LYST: variants seen among roughly 807,000 people sequenced by gnomAD.
LYST encodes lysosomal trafficking regulator, also known as lysosomal-trafficking regulator.
Under a neutral mutation model 413.6 loss-of-function variants are expected in LYST, and 192 were observed. The observed-to-expected ratio is 0.46, with a 90% confidence interval of 0.41 to 0.52. LYST has a LOEUF of 0.52. LYST is among the 20% of genes least tolerant of loss of function. The pLI is 0.00. For missense variants in LYST, 3,815 were observed against 4,499.9 expected, an observed-to-expected ratio of 0.85 and a Z score of 4.35; for synonymous variants, 1,525 against 1,567.3, an observed-to-expected ratio of 0.97 and a Z score of 0.64.
At chr1:235,803,703 TA>T (rs1672499330) in intron 7 of LYST, among the ~76,000 whole-genome samples, 1 of 152,114 alleles carries the variant, frequency 6.6e-6, no homozygotes, top group Non-Finnish European at 1.5e-5. Flanking sequence ...GTAACAACAA[TA>T]AAAGGTAGAA....
intron 3 of LYST, among the ~76,000 whole-genome samples, chr1:235,818,942 T>A (rs1301475837): frequency 6.6e-6 from 1 of 152,150 alleles, no homozygotes; most frequent in African/African-American, 2.4e-5. Flanking sequence ...CAGCAACACC[T>A]CTTCTGTGGA....
intron 16 of LYST, among the ~76,000 whole-genome samples, chr1:235,779,666 T>C (rs1417899382): frequency 6.6e-6 from 1 of 152,202 alleles, no homozygotes; most frequent in Non-Finnish European, 1.5e-5. Flanking sequence ...TGGTGGGACA[T>C]TTAGGATAGG....
intron 29 of LYST, among the ~76,000 whole-genome samples, chr1:235,745,119 A>G (rs1333186076): frequency 6.6e-6 from 1 of 152,112 alleles, no homozygotes; most frequent in African/African-American, 2.4e-5. Context: ...ACAAATAGAA[A>G]TTGTATATAA....
intron 10 of LYST, among the ~76,000 whole-genome samples, chr1:235,794,783 A>G (rs1226256135): frequency 6.6e-6 from 1 of 152,196 alleles, no homozygotes; most frequent in East Asian, 1.9e-4. Context: ...CCTGTACATA[A>G]CATGAATCCA....
chr1:235,769,339 G>A (rs988755799), intron 20 of LYST, among the ~76,000 whole-genome samples: 7 of 152,028 alleles, frequency 4.6e-5, no homozygotes, highest in Non-Finnish European at 1.0e-4. Flanking sequence ...AGTACCATAA[G>A]ATGAAGCTAG....
chr1:235,680,864 G>A (rs1004318025), intron 48 of LYST, among the ~76,000 whole-genome samples: 1 of 152,202 alleles, frequency 6.6e-6, no homozygotes, highest in Non-Finnish European at 1.5e-5. Flanking sequence ...CTCCCAAAGT[G>A]TTGGGATTAC....
intron 48 of LYST, among the ~76,000 whole-genome samples, chr1:235,679,869 C>A (rs1159735829): frequency 6.6e-6 from 1 of 152,124 alleles, no homozygotes; most frequent in Non-Finnish European, 1.5e-5. Flanking sequence ...TGTCCAAGGA[C>A]AGTGTCAGTG....
chr1:235,668,211 T>C (rs1658657296), intron 50 of LYST, among the ~76,000 whole-genome samples: 1 of 151,980 alleles, frequency 6.6e-6, no homozygotes, highest in African/African-American at 2.4e-5. Context: ...GACATATATA[T>C]ATATATTTTA....
chr1:235,716,646 A>AC, intron 41 of LYST, 66 bp downstream of exon 41: 1 of 1,013,308 alleles, frequency 9.9e-7, no homozygotes, highest in Non-Finnish European at 1.5e-6. Flanking sequence ...AATTAGGTAA[A>AC]ACACAAGTCT....
At chr1:235,802,193 C>CAAAAA (rs35511208) in intron 8 of LYST, among the ~76,000 whole-genome samples, 2 of 45,074 alleles carry the variant, frequency 4.4e-5, no homozygotes, top group African/African-American at 8.0e-5. Context: ...GACTCCATTT[C>CAAAAA]AAAAAAAAAA....
chr1:235,744,247 T>C, intron 29 of LYST, 90 bp from the exon 30 acceptor site: 1 of 720,772 alleles, frequency 1.4e-6, no homozygotes, highest in Admixed American at 2.2e-5. Flanking sequence ...AAATATTGTA[T>C]TTAATTACTA....
chr1:235,766,917 C>T (rs1381742881), intron 20 of LYST, among the ~76,000 whole-genome samples: 1 of 151,950 alleles, frequency 6.6e-6, no homozygotes, highest in African/African-American at 2.4e-5. Flanking sequence ...GTTTACAAAG[C>T]TTTTTTTCAC....
At chr1:235,707,804 A>G (rs1662105172) in intron 44 of LYST, among the ~76,000 whole-genome samples, 1 of 152,200 alleles carries the variant, frequency 6.6e-6, no homozygotes, top group Non-Finnish European at 1.5e-5. Flanking sequence ...GCTATACTTA[A>G]GAATATAGGT....
intron 7 of LYST, among the ~76,000 whole-genome samples, chr1:235,804,159 C>T (rs77934748): frequency 0.037 from 5,626 of 152,188 alleles, 345 homozygotes; most frequent in African/African-American, 0.13. Context: ...AGGTAAATCA[C>T]CACCATCCCT....
intron 1 of LYST, among the ~76,000 whole-genome samples, chr1:235,846,077 A>T (rs191119449): frequency 6.6e-6 from 1 of 152,336 alleles, no homozygotes; most frequent in East Asian, 1.9e-4. Flanking sequence ...GTACAAAAAT[A>T]GAGCATTAAA....
chr1:235,818,631 G>C (rs145574735), intron 3 of LYST, among the ~76,000 whole-genome samples: 2 of 151,326 alleles, frequency 1.3e-5, no homozygotes, highest in African/African-American at 4.9e-5. Flanking sequence ...AATGTACATG[G>C]TCTTTTAAAA....
chr1:235,809,230 T>G lies in LYST; in HGVS notation c.1588A>C (p.Lys530Gln), dbSNP rs1387454825. The G allele has an allele frequency of 1.9e-6, 3 of 1,613,842 alleles. No homozygotes were observed. The African/African-American group carries it at 4.0e-5, about 22-fold the overall frequency. ...TCTGCAGTCTCTTCAAATGGGTTTT[T>G]GGAAACCTGGTTTTTAAAAGCCGAA... ...LVSAFKNQVS[K>Q]NPFEETADGD... The change falls in exon 5 of 53, where the codon AAA becomes CAA. Residue 530 changes from lysine to glutamine, a missense_variant. Coordinates refer to ENST00000389793, the MANE Select transcript of LYST (RefSeq NM_000081.4). The surrounding 1 kb of genome is among the most constrained non-coding windows in gnomAD (Gnocchi z 4.0).
chr1:235,770,331 C>CT (rs1558218063), intron 19 of LYST, 34 bp from the exon 20 acceptor site: 1 of 1,610,024 alleles, frequency 6.2e-7, no homozygotes, highest in East Asian at 2.2e-5. Context: ...TAAGCACATA[C>CT]TTACTGAAAA....
intron 48 of LYST, among the ~76,000 whole-genome samples, chr1:235,684,565 A>AT (rs1279224963): frequency 6.6e-5 from 10 of 152,250 alleles, no homozygotes; most frequent in African/African-American, 2.4e-4. Flanking sequence ...TCAAAAGGTG[A>AT]TAAAAAGGAG....
Sources: allele counts gnomAD v4.1 joint callset (sites outside exome capture counted in the v4.1 genomes callset), GRCh38; gene constraint gnomAD v4.1.1; non-coding constraint Gnocchi (gnomAD v3.1); transcripts MANE v1.5; gene names NCBI Gene and HGNC (gene_info 2026-07-23, HGNC 2026-07-21).